The following NT5DC1 variants were observed in gnomAD, a reference collection of about 807,000 sequenced individuals.
NT5DC1 encodes the protein 5'-nucleotidase domain containing 1.
NT5DC1 carries 42 observed loss-of-function variants against 59.4 expected under a neutral mutation model. The observed-to-expected ratio is 0.71, with a 90% CI of 0.55 to 0.92. The LOEUF is 0.92. NT5DC1 is among the 40% of genes least tolerant of loss of function. The pLI, the probability that NT5DC1 is intolerant of heterozygous loss-of-function variation, is 0.00. For missense variants in NT5DC1, 501 were observed against 537.1 expected, an observed-to-expected ratio of 0.93 and a Z score of 0.66; for synonymous variants, 172 against 188.1, an observed-to-expected ratio of 0.91 and a Z score of 0.70.
intron 6 of NT5DC1, among the ~76,000 whole-genome samples, chr6:116,163,611 A>G (rs1780397096): frequency 6.6e-6 from 1 of 151,842 alleles, no homozygotes; most frequent in African/African-American, 2.4e-5. Flanking sequence ...TTTTAGTCTC[A>G]ATTGTATTTA....
intron 6 of NT5DC1, chr6:116,120,774 G>C (rs1779093768): frequency 6.2e-7 from 1 of 1,613,146 alleles, no homozygotes; most frequent in Non-Finnish European, 8.5e-7. Context: ...CTAGTACCTG[G>C]TATTCCAGGG....
At chr6:116,117,815 A>G (rs1299845084) in intron 5 of NT5DC1, 46 bp from the exon 6 acceptor site, 3 of 1,145,482 alleles carry the variant, frequency 2.6e-6, no homozygotes, top group Non-Finnish European at 3.9e-6. Flanking sequence ...CACTATGCTT[A>G]AAAACTGAAT....
At chr6:116,167,869 A>G (rs1027276122) in intron 6 of NT5DC1, among the ~76,000 whole-genome samples, 2 of 152,168 alleles carry the variant, frequency 1.3e-5, no homozygotes, top group Non-Finnish European at 2.9e-5. Flanking sequence ...TGATTTTCTG[A>G]AAATTTTTTT....
intron 3 of NT5DC1, 159 bp from the exon 4 acceptor site, chr6:116,110,691 T>G (rs771052797): frequency 2.1e-4 from 150 of 701,804 alleles, no homozygotes; most frequent in Non-Finnish European, 3.5e-4. Flanking sequence ...ACAGAAATGC[T>G]TTACAGAATC....
chr6:116,172,094 A>G (rs1458229315), intron 6 of NT5DC1, among the ~76,000 whole-genome samples: 1 of 152,208 alleles, frequency 6.6e-6, no homozygotes, highest in Non-Finnish European at 1.5e-5. Flanking sequence ...TCCATCTGTA[A>G]GTCAAGATGA....
At chr6:116,120,102 AAG>A in intron 6 of NT5DC1, 1 of 1,614,126 alleles carries the variant, frequency 6.2e-7, no homozygotes, top group Non-Finnish European at 8.5e-7. Flanking sequence ...AATCCTGAGA[AAG>A]AGGAGTGGAC....
intron 6 of NT5DC1, among the ~76,000 whole-genome samples, chr6:116,136,792 T>C (rs1047704238): frequency 6.6e-6 from 1 of 152,224 alleles, no homozygotes; most frequent in Non-Finnish European, 1.5e-5. Context: ...GTTTGGAATC[T>C]GTTACTCAGA....
chr6:116,238,724 T>G (rs1256176497), intron 10 of NT5DC1, among the ~76,000 whole-genome samples: 1 of 152,116 alleles, frequency 6.6e-6, no homozygotes, highest in African/African-American at 2.4e-5. Context: ...TTGGGCTAGT[T>G]TTCAGATAAT....
chr6:116,227,665 A>G (rs1480140211), intron 8 of NT5DC1, among the ~76,000 whole-genome samples: 2 of 152,120 alleles, frequency 1.3e-5, no homozygotes, highest in Non-Finnish European at 2.9e-5. Context: ...TCTAATAGGT[A>G]TGAGGTGATA....
chr6:116,187,979 A>G (rs1400385955), intron 6 of NT5DC1, among the ~76,000 whole-genome samples: 1 of 152,076 alleles, frequency 6.6e-6, no homozygotes, highest in African/African-American at 2.4e-5. Context: ...ATCTAGTGTA[A>G]AAAAGACCTA....
intron 6 of NT5DC1, chr6:116,125,317 C>T: frequency 6.2e-7 from 1 of 1,611,018 alleles, no homozygotes; most frequent in Non-Finnish European, 8.5e-7. Context: ...GTTAATAGAA[C>T]AAAATATACA....
chr6:116,216,159 T>C (rs1051028659), intron 6 of NT5DC1, among the ~76,000 whole-genome samples: 2 of 152,064 alleles, frequency 1.3e-5, no homozygotes, highest in African/African-American at 4.8e-5. Context: ...TTTAAGATAA[T>C]TGGCAACAGT....
rs1237033132 is a variant in NT5DC1, at chr6:116,163,147, T to A, written c.529+45202T>A. ...GTCTCAAAAAAAAAAAAAAAATATA[T>A]ATATATATATATATATTAGTAATAT... On this transcript the variant is annotated intron_variant, in intron 6 of 11. Coordinates refer to ENST00000319550, the MANE Select transcript of NT5DC1 (RefSeq NM_152729.3). 1.8e-3 allele frequency among the ~76,000 whole-genome samples: 157 copies of A among 86,552 alleles called. 1 individual carries two copies. Among genetic ancestry groups the A allele is most frequent in the African/African-American group, 5.0e-3 (106 of 21,408 alleles). The allele number at this position is 86,552 out of a possible 152,430, so 56.8% of individuals were successfully genotyped here.
chr6:116,131,996 G>C (rs1437601826), intron 6 of NT5DC1, among the ~76,000 whole-genome samples: 1 of 152,126 alleles, frequency 6.6e-6, no homozygotes, highest in Non-Finnish European at 1.5e-5. Flanking sequence ...TTCTGCAAAG[G>C]ACATTATCTT....
At chr6:116,239,767 C>A (rs970812894) in intron 11 of NT5DC1, among the ~76,000 whole-genome samples, 3 of 152,018 alleles carry the variant, frequency 2.0e-5, no homozygotes. Flanking sequence ...TTCTAGGACT[C>A]AAATTATTTC....
chr6:116,221,320 A>G (rs1413738428), intron 7 of NT5DC1, 92 bp downstream of exon 7: 1 of 748,226 alleles, frequency 1.3e-6, no homozygotes, highest in East Asian at 2.5e-5. Context: ...CCATGACCAT[A>G]TCATTATTTT....
At position 116,125,668 on chromosome 6, in the gene NT5DC1, T is replaced by C. The variant is rs568175652; in HGVS notation, c.529+7723T>C. 3.0e-5 allele frequency: 17 copies of C among 559,414 alleles called. No homozygotes were observed. In the South Asian group the frequency reaches 3.7e-4, roughly 12 times the overall value. 34.7% of individuals were successfully genotyped at this position (559,414 alleles called of 1,614,324 possible). Reference sequence around the variant, plus strand: ...AATAAATGAGAGATCATTTTTTAGTTATGTGAATATATGTCTTAGTTATTT... The same window carrying C: ...AATAAATGAGAGATCATTTTTTAGTCATGTGAATATATGTCTTAGTTATTT... On this transcript the variant is annotated intron_variant, in intron 6 of 11. Coordinates refer to ENST00000319550, the MANE Select transcript of NT5DC1 (RefSeq NM_152729.3).
intron 6 of NT5DC1, among the ~76,000 whole-genome samples, chr6:116,171,418 C>G (rs1206049326): frequency 6.6e-6 from 1 of 151,962 alleles, no homozygotes; most frequent in East Asian, 1.9e-4. Flanking sequence ...TTGGAATATA[C>G]TTTATAAAAA....
rs1307192103 is a variant in NT5DC1, at chr6:116,121,512, T to C, written c.529+3567T>C. On this transcript the variant is annotated intron_variant, in intron 6 of 11. Coordinates refer to ENST00000319550, the MANE Select transcript of NT5DC1 (RefSeq NM_152729.3). ...GGACCCTGAGGGCCTGGAAGACCCCTCTCACCTGGACGACCAGGAGCACCA... is the reference window on the plus strand; with the variant it reads ...GGACCCTGAGGGCCTGGAAGACCCCCCTCACCTGGACGACCAGGAGCACCA... The C allele has an allele frequency of 1.9e-6, 3 of 1,613,968 alleles. No individual in the cohort carries two copies. The African/African-American group carries it at 4.0e-5, about 22-fold the overall frequency.
Sources: allele counts gnomAD v4.1 joint callset (sites outside exome capture counted in the v4.1 genomes callset), GRCh38; gene constraint gnomAD v4.1.1; transcripts MANE v1.5; gene names NCBI Gene and HGNC (gene_info 2026-07-23, HGNC 2026-07-21).